EPB41L3: variants seen among roughly 807,000 people sequenced by gnomAD.
EPB41L3 encodes erythrocyte membrane protein band 4.1 like 3, also known as band 4.1-like protein 3.
In EPB41L3, 57 loss-of-function variants were observed where a neutral mutation model predicts 127.1. That is an observed-to-expected ratio of 0.45 (90% confidence interval 0.36 to 0.56). The LOEUF is 0.56. Among genes scored for constraint, EPB41L3 ranks in the 20% least tolerant of loss-of-function variants. The probability of loss-of-function intolerance (pLI) is 0.00; values close to 1 mark genes in which losing one functional copy is unlikely to be tolerated. For synonymous variants in EPB41L3, 572 were observed against 549.5 expected, an observed-to-expected ratio of 1.04 and a Z score of -0.57; for missense variants, 1,273 against 1,372.2, an observed-to-expected ratio of 0.93 and a Z score of 1.14.
chr18:5,604,672 T>C (rs1282906117), intron 3 of EPB41L3, among the ~76,000 whole-genome samples: 1 of 152,178 alleles, frequency 6.6e-6, no homozygotes, highest in Non-Finnish European at 1.5e-5. Flanking sequence ...CAGGCTGGTC[T>C]CGAACTTCTG....
intron 3 of EPB41L3, among the ~76,000 whole-genome samples, chr18:5,452,239 AAATT>A (rs1434832861): frequency 3.3e-5 from 5 of 152,206 alleles, no homozygotes; most frequent in African/African-American, 9.7e-5. Context: ...TGCAACTTAT[AAATT>A]TTTAAATATG....
At chr18:5,533,989 C>A (rs1330935954) in intron 1 of EPB41L3, among the ~76,000 whole-genome samples, 13 of 152,004 alleles carry the variant, frequency 8.6e-5, no homozygotes, top group Admixed American at 7.9e-4. Context: ...ACAGTGAAAC[C>A]CCGTCTCCAC....
rs2073685823 is a variant in EPB41L3, at chr18:5,397,214, A to G, written c.2685T>C (p.Ser895=). The G allele has an allele frequency of 1.2e-6, 2 of 1,614,012 alleles. No individual in the cohort carries two copies. The highest frequency in any genetic ancestry group is 1.7e-6 in the Non-Finnish European group (2 of 1,180,014). The change falls in exon 18 of 23, where the codon TCT becomes TCC. Residue 895 remains serine (S), a synonymous_variant. Coordinates refer to ENST00000341928, the MANE Select transcript of EPB41L3 (RefSeq NM_012307.5). This position sits in a 1 kb window ranked among gnomAD's most constrained non-coding sequence, Gnocchi z 4.1. ...CCTCTTTAGCCCCCTCCGTCAAGGC[A>G]GAGCCCTCTTTCCCTTTAATGCCTG... The part of the protein sequence containing the change: ...AFTGIKGKEG[S]ALTEGAKEEG...
chr18:5,407,033 T>C, intron 15 of EPB41L3, 65 bp from the exon 16 acceptor site: 2 of 1,496,470 alleles, frequency 1.3e-6, no homozygotes, highest in Admixed American at 1.7e-5. Flanking sequence ...TCAGCTCTTT[T>C]GTTTGCTTTA....
chr18:5,494,668 A>AAC (rs2090970621), intron 1 of EPB41L3, among the ~76,000 whole-genome samples: 1 of 89,336 alleles, frequency 1.1e-5, no homozygotes, highest in East Asian at 4.6e-4. Context: ...CCCTCCCCCC[A>AAC]CCCAAAAAAA....
intron 5 of EPB41L3, among the ~76,000 whole-genome samples, chr18:5,443,359 A>G (rs76795238): frequency 0.011 from 1,694 of 152,316 alleles, 31 homozygotes; most frequent in African/African-American, 0.038. Flanking sequence ...TTGTATTTTA[A>G]ATTTGTGACT....
At chr18:5,620,961 T>A (rs188982678) in intron 1 of EPB41L3, among the ~76,000 whole-genome samples, 1 of 152,274 alleles carries the variant, frequency 6.6e-6, no homozygotes, top group African/African-American at 2.4e-5. Context: ...TGATCAATTT[T>A]AAAATTTCTT....
chr18:5,515,396 AG>A (rs2092709253), intron 1 of EPB41L3, among the ~76,000 whole-genome samples: 1 of 152,320 alleles, frequency 6.6e-6, no homozygotes, highest in African/African-American at 2.4e-5. Context: ...TCCACAAGTA[AG>A]GTTTGCTTTG....
chr18:5,415,691 A>T, intron 13 of EPB41L3, 127 bp downstream of exon 13: 1 of 1,025,586 alleles, frequency 9.8e-7, no homozygotes, highest in African/African-American at 1.6e-5. Flanking sequence ...CAGAAACCTC[A>T]ACATATTGGC....
At chr18:5,419,565 TAATTTA>T (rs1026070977) in intron 12 of EPB41L3, 140 bp downstream of exon 12, 2 of 1,191,824 alleles carry the variant, frequency 1.7e-6, no homozygotes, top group Non-Finnish European at 2.4e-6. Flanking sequence ...ACAGCAATCA[TAATTTA>T]AAAATTGACA....
intron 16 of EPB41L3, chr18:5,400,390 T>C: frequency 2.7e-6 from 1 of 365,620 alleles, no homozygotes; most frequent in Non-Finnish European, 5.4e-6. Flanking sequence ...TTCTGTTTTT[T>C]ACAGCCTGAA....
chr18:5,608,456 C>A (rs927047255), intron 3 of EPB41L3, among the ~76,000 whole-genome samples: 6 of 152,178 alleles, frequency 3.9e-5, no homozygotes, highest in Non-Finnish European at 7.3e-5. Context: ...TCATACACTG[C>A]AACAGAGTTG....
At chr18:5,455,600 T>A (rs533634771) in intron 3 of EPB41L3, among the ~76,000 whole-genome samples, 5 of 151,476 alleles carry the variant, frequency 3.3e-5, no homozygotes, top group Admixed American at 6.6e-5. Flanking sequence ...ATTAAGCCCA[T>A]CTACCTTTCT....
intron 3 of EPB41L3, among the ~76,000 whole-genome samples, chr18:5,598,694 G>A (rs1257051418): frequency 6.6e-6 from 1 of 152,136 alleles, no homozygotes; most frequent in Non-Finnish European, 1.5e-5. Flanking sequence ...CAGAAGGAAG[G>A]CTCTCATTGC....
intron 3 of EPB41L3, among the ~76,000 whole-genome samples, chr18:5,463,457 C>T (rs1312510846): frequency 6.6e-6 from 1 of 152,106 alleles, no homozygotes; most frequent in Non-Finnish European, 1.5e-5. Context: ...GGACATTATC[C>T]ATGCGGGTTT....
rs751866868 is a variant in EPB41L3, at chr18:5,398,073, T to C, written c.2420A>G (p.Lys807Arg). The part of the protein sequence containing the change: ...EIFSLLESAR[K>R]PTEFIGGVTS... ...AACCCCTCCTATGAATTCTGTTGGT[T>C]TTCGCGCAGACTCTAATAAACTGAA... Residue 807 changes from lysine to arginine, a missense_variant, in exon 17 of 23, where the codon AAA (lysine) becomes AGA (arginine). By Grantham distance (26) the Lys-to-Arg change is conservative (BLOSUM62 2). This residue lies in a region of EPB41L3 where 765 missense variants were observed against 782.9 expected (regional missense o/e 0.98). Coordinates refer to ENST00000341928, the MANE Select transcript of EPB41L3 (RefSeq NM_012307.5). 3 of 1,613,998 alleles carry C rather than the reference T, an allele frequency of 1.9e-6. No homozygotes were observed. The African/African-American group carries it at 4.0e-5, about 22-fold the overall frequency.
chr18:5,588,376 G>A (rs1358632689), intron 3 of EPB41L3, among the ~76,000 whole-genome samples: 1 of 151,512 alleles, frequency 6.6e-6, no homozygotes, highest in Non-Finnish European at 1.5e-5. Flanking sequence ...ACCTAAAACT[G>A]GTATATTATT....
chr18:5,578,491 G>A (rs2094359060), intron 3 of EPB41L3, among the ~76,000 whole-genome samples: 2 of 152,062 alleles, frequency 1.3e-5, no homozygotes, highest in South Asian at 4.1e-4. Context: ...TCAGTTTTTA[G>A]TAGAAAAACC....
chr18:5,518,094 C>A (rs942462403), intron 1 of EPB41L3, among the ~76,000 whole-genome samples: 7 of 152,166 alleles, frequency 4.6e-5, no homozygotes, highest in African/African-American at 1.7e-4. Flanking sequence ...TTATTCCTTA[C>A]TCATCCTATA....
Sources: gnomAD v4.1 joint callset for allele counts (sites outside exome capture counted in the v4.1 genomes callset) on GRCh38, gnomAD v4.1.1 for gene constraint, gnomAD v4.1.1 regional missense constraint, Gnocchi (gnomAD v3.1) non-coding constraint, MANE v1.5 for transcripts, NCBI Gene and HGNC (gene_info 2026-07-23, HGNC 2026-07-21) for gene names.